The following CNTN5 variants were observed in gnomAD, a reference collection of about 807,000 sequenced individuals.
CNTN5 encodes the protein contactin-5.
In CNTN5, 77 loss-of-function variants were observed where a neutral mutation model predicts 129.1. That is an observed-to-expected ratio of 0.60 (90% CI 0.50 to 0.72). The LOEUF (loss-of-function observed/expected upper bound fraction) is 0.72. Ranked by LOEUF, CNTN5 falls within the 30% of genes least tolerant of loss-of-function variation. CNTN5 has a pLI of 0.00. For synonymous variants in CNTN5, 509 were observed against 465.6 expected, an observed-to-expected ratio of 1.09 and a Z score of -1.20; for missense variants, 1,478 against 1,328.8, an observed-to-expected ratio of 1.11 and a Z score of -1.75.
chr11:99,072,314 A>G (rs1206332035), intron 1 of CNTN5, among the ~76,000 whole-genome samples: 1 of 152,118 alleles, frequency 6.6e-6, no homozygotes, highest in Non-Finnish European at 1.5e-5. Context: ...TTGTTCTCAA[A>G]CCAATTCATT....
At chr11:100,248,949 A>C (rs902247662) in intron 16 of CNTN5, among the ~76,000 whole-genome samples, 1 of 152,184 alleles carries the variant, frequency 6.6e-6, no homozygotes, top group South Asian at 2.1e-4. Flanking sequence ...CGTTATCAAG[A>C]CTAAAGCCTG....
rs1040980175 is a variant in CNTN5, at chr11:100,104,094, CT to C, written c.1580+29818del. 2.4e-3 allele frequency among the ~76,000 whole-genome samples: 313 copies of C among 132,078 alleles called. 1 individual carries two copies. Among genetic ancestry groups the C allele is most frequent in the Middle Eastern group, 7.9e-3 (2 of 254 alleles). The allele number at this position is 132,078 out of a possible 152,430, so 86.6% of individuals were successfully genotyped here. A position where few individuals can be genotyped will look rare whatever the true frequency, so the allele number is the denominator to read the frequency against. ...CTGAAATACAAGGTAGAAAACGTCA[CT>C]TTTTTTTTTTTTTTTTTGAGGCAGA... On this transcript the variant is annotated intron_variant, in intron 13 of 24. Transcript: ENST00000524871.
intron 2 of CNTN5, among the ~76,000 whole-genome samples, chr11:99,463,152 A>G (rs1469094934): frequency 1.8e-5 from 1 of 55,610 alleles, no homozygotes; most frequent in Admixed American, 2.1e-4. Flanking sequence ...AATAAAAGTA[A>G]AAAAGTCCAG....
chr11:99,769,392 C>T (rs1944867346), intron 3 of CNTN5, among the ~76,000 whole-genome samples: 1 of 152,192 alleles, frequency 6.6e-6, no homozygotes, highest in South Asian at 2.1e-4. Context: ...AATACATAAT[C>T]TTAGTTACTT....
chr11:100,285,566 G>C (rs912041088), intron 18 of CNTN5, among the ~76,000 whole-genome samples: 3 of 152,190 alleles, frequency 2.0e-5, no homozygotes, highest in Non-Finnish European at 2.9e-5. Flanking sequence ...GCACAGACAA[G>C]GCGAAAGGAG....
intron 2 of CNTN5, among the ~76,000 whole-genome samples, chr11:99,408,064 T>A (rs1942170687): frequency 6.6e-6 from 1 of 152,058 alleles, no homozygotes; most frequent in Non-Finnish European, 1.5e-5. Flanking sequence ...ACAAAGGTGC[T>A]TTTTTCTGTA....
intron 4 of CNTN5, among the ~76,000 whole-genome samples, chr11:99,824,530 A>T (rs1946894797): frequency 6.6e-6 from 1 of 151,996 alleles, no homozygotes; most frequent in South Asian, 2.1e-4. Flanking sequence ...ATATTTTCTC[A>T]GAATGTAACT....
chr11:99,350,300 T>C (rs1244308683), intron 2 of CNTN5, among the ~76,000 whole-genome samples: 1 of 152,168 alleles, frequency 6.6e-6, no homozygotes, highest in African/African-American at 2.4e-5. Flanking sequence ...TTTTAAAGAA[T>C]GAAAACACCA....
chr11:99,333,907 A>G (rs1183844759), intron 2 of CNTN5, among the ~76,000 whole-genome samples: 1 of 151,820 alleles, frequency 6.6e-6, no homozygotes, highest in Non-Finnish European at 1.5e-5. Flanking sequence ...AAAAAATGCT[A>G]TACTCTCAAA....
At chr11:100,288,203 A>G (rs1950846997) in intron 18 of CNTN5, among the ~76,000 whole-genome samples, 1 of 152,162 alleles carries the variant, frequency 6.6e-6, no homozygotes, top group South Asian at 2.1e-4. Context: ...GATCAACGAG[A>G]CAGAAAGTCA....
chr11:99,648,321 C>A (rs1439999679), intron 3 of CNTN5, among the ~76,000 whole-genome samples: 1 of 151,476 alleles, frequency 6.6e-6, no homozygotes, highest in African/African-American at 2.4e-5. Flanking sequence ...AAAAAATGTT[C>A]AGCATTACTA....
chr11:99,760,005 CA>C (rs1188800188), intron 3 of CNTN5, among the ~76,000 whole-genome samples: 3 of 151,998 alleles, frequency 2.0e-5, no homozygotes, highest in African/African-American at 4.8e-5. Flanking sequence ...TTTGAGATGA[CA>C]GTGAAATATC....
chr11:99,816,658 T>C (rs1946597139), intron 3 of CNTN5, among the ~76,000 whole-genome samples: 1 of 152,232 alleles, frequency 6.6e-6, no homozygotes, highest in South Asian at 2.1e-4. Flanking sequence ...TTGAGTCATC[T>C]TTATTTGGTC....
intron 7 of CNTN5, among the ~76,000 whole-genome samples, chr11:99,936,188 TA>T (rs1246584899): frequency 6.6e-6 from 1 of 152,212 alleles, no homozygotes; most frequent in East Asian, 1.9e-4. Context: ...CAGGGGTTAT[TA>T]AAAAAATTTT....
At chr11:100,073,777 G>A (rs975259774) in intron 12 of CNTN5, among the ~76,000 whole-genome samples, 5 of 151,976 alleles carry the variant, frequency 3.3e-5, no homozygotes, top group African/African-American at 7.2e-5. Context: ...TGTCTTTTTC[G>A]CAGGTCACCT....
intron 6 of CNTN5, among the ~76,000 whole-genome samples, chr11:99,889,926 A>T (rs1949013972): frequency 6.6e-6 from 1 of 152,220 alleles, no homozygotes; most frequent in Non-Finnish European, 1.5e-5. Context: ...ATTTTTAAAA[A>T]TTATATTCTA....
intron 2 of CNTN5, among the ~76,000 whole-genome samples, chr11:99,363,136 T>G (rs1410831349): frequency 6.6e-6 from 1 of 152,114 alleles, no homozygotes; most frequent in Non-Finnish European, 1.5e-5. Flanking sequence ...AATATTTTCT[T>G]CCAATCCATG....
chr11:99,179,759 A>AT (rs1386101905), intron 1 of CNTN5, among the ~76,000 whole-genome samples: 1 of 152,214 alleles, frequency 6.6e-6, no homozygotes, highest in Non-Finnish European at 1.5e-5. Context: ...TCTTTGAGAC[A>AT]TAAGTGTTAC....
At chr11:99,590,294 G>A (rs1390406294) in intron 3 of CNTN5, among the ~76,000 whole-genome samples, 1 of 152,144 alleles carries the variant, frequency 6.6e-6, no homozygotes, top group Non-Finnish European at 1.5e-5. Context: ...GATACAGAAA[G>A]GCAAAAGCAT....
Sources: allele counts gnomAD v4.1 joint callset (sites outside exome capture counted in the v4.1 genomes callset), GRCh38; gene constraint gnomAD v4.1.1; transcripts MANE v1.5; gene names NCBI Gene and HGNC (gene_info 2026-07-23, HGNC 2026-07-21).